EPHX2: variants seen among roughly 807,000 people sequenced by gnomAD.
The protein encoded by EPHX2 is epoxide hydrolase 2.
EPHX2 carries 74 observed loss-of-function variants against 78.7 expected under a neutral mutation model. The ratio of observed to expected loss-of-function variants is 0.94; its 90% CI spans 0.78 to 1.14. The LOEUF is 1.14. EPHX2 is among the 50% of genes most tolerant of loss of function. EPHX2 has a pLI of 0.00. For missense variants in EPHX2, 715 were observed against 702.5 expected (o/e 1.02, Z -0.20); for synonymous variants, 251 against 255.2 (o/e 0.98, Z 0.16).
chr8:27,511,746 C>T, intron 5 of EPHX2, 90 bp from the exon 6 acceptor site: 1 of 1,387,484 alleles, frequency 7.2e-7, no homozygotes. Flanking sequence ...AAGGTGATTT[C>T]CAAGGCCTCC....
At chr8:27,496,374 T>G (rs1813573302) in intron 1 of EPHX2, among the ~76,000 whole-genome samples, 1 of 152,168 alleles carries the variant, frequency 6.6e-6, no homozygotes, top group Non-Finnish European at 1.5e-5. Context: ...CCCTAAACCC[T>G]TGAGGCAAGA....
chr8:27,530,067 C>CTTTT (rs34619047), intron 12 of EPHX2, among the ~76,000 whole-genome samples: 1 of 144,838 alleles, frequency 6.9e-6, no homozygotes, highest in Non-Finnish European at 1.5e-5. Flanking sequence ...GTCTCTCTCT[C>CTTTT]TTTTTTTTTT....
Position 27,515,791 on chromosome 8 carries a change from G to A in EPHX2, c.809G>A (p.Ser270Asn), listed in dbSNP as rs765173092. ...AVCLCHGFPE[S>N]WYSWRYQIPA... ...TGCCTCTGCCATGGATTTCCCGAGA[G>A]TTGGTATTCTTGGAGGTACCAGGTG... Residue 270 changes from serine to asparagine, a missense_variant, in exon 7 of 19, where the codon AGT becomes AAT. Physicochemically the swap from Ser to Asn is conservative, Grantham distance 46. Transcript: ENST00000521400. The A allele has an allele frequency of 1.9e-6, 3 of 1,614,074 alleles. No homozygotes were observed. The East Asian group carries it at 6.7e-5, about 36-fold the overall frequency.
intron 2 of EPHX2, 75 bp from the exon 3 acceptor site, chr8:27,503,529 T>C (rs1253374353): frequency 1.4e-6 from 2 of 1,466,232 alleles, no homozygotes; most frequent in South Asian, 2.6e-5. Context: ...GGAATGTATA[T>C]GTTTAGATTT....
chr8:27,511,963 A>C (rs537267747), intron 6 of EPHX2, 53 bp downstream of exon 6: 11 of 1,565,856 alleles, frequency 7.0e-6, no homozygotes, highest in Non-Finnish European at 7.9e-6. Flanking sequence ...CAGGTCACCT[A>C]AAACGACCAG....
intron 11 of EPHX2, among the ~76,000 whole-genome samples, chr8:27,525,003 A>G (rs966686548): frequency 6.6e-6 from 1 of 151,820 alleles, no homozygotes; most frequent in Non-Finnish European, 1.5e-5. Flanking sequence ...AAATGAATGT[A>G]TATTTTAAAA....
intron 10 of EPHX2, 92 bp from the exon 11 acceptor site, chr8:27,522,331 C>T (rs1471604783): frequency 1.2e-5 from 15 of 1,232,496 alleles, no homozygotes; most frequent in Non-Finnish European, 1.6e-5. Flanking sequence ...GGAGGAGACC[C>T]TGGTGTCGAG....
chr8:27,542,790 C>T (rs1308431746), intron 16 of EPHX2, among the ~76,000 whole-genome samples: 3 of 152,028 alleles, frequency 2.0e-5, no homozygotes, highest in Admixed American at 1.3e-4. Context: ...TACAGGAGTG[C>T]GCCACCACAC....
downstream of EPHX2, among the ~76,000 whole-genome samples, chr8:27,546,080 C>T (rs142563722): frequency 1.8e-3 from 269 of 150,308 alleles, 1 homozygote; most frequent in South Asian, 0.015. Flanking sequence ...AAAATGTTCT[C>T]GTCGCGCCAC....
chr8:27,540,086 G>C (rs1363648022), intron 14 of EPHX2, among the ~76,000 whole-genome samples: 2 of 152,202 alleles, frequency 1.3e-5, no homozygotes, highest in Non-Finnish European at 2.9e-5. Context: ...GTGACAGGAT[G>C]CAGCCACCTG....
chr8:27,503,864 C>A, intron 3 of EPHX2, 101 bp downstream of exon 3: 1 of 1,399,080 alleles, frequency 7.1e-7, no homozygotes, highest in Non-Finnish European at 9.5e-7. Context: ...CACAGATCTT[C>A]TGAGCCACGA....
intron 5 of EPHX2, among the ~76,000 whole-genome samples, chr8:27,507,282 C>T (rs1814048343): frequency 6.6e-6 from 1 of 152,184 alleles, no homozygotes; most frequent in Admixed American, 6.5e-5. Context: ...ATCCTGACCT[C>T]ACTTTTGAGA....
In EPHX2 at chr8:27,525,506, A is replaced by G. The variant is rs759875079; in HGVS notation, c.1170+33A>G. On this transcript the variant is annotated intron_variant, in intron 12 of 18. Coordinates refer to ENST00000521400, the MANE Select transcript of EPHX2 (RefSeq NM_001979.6). Reference sequence around the variant, plus strand: ...TGGCACCAAGGGCAACAATGGGAGCATTAGTGTTTGCCTTTCCCCTTCCTG... The same window carrying G: ...TGGCACCAAGGGCAACAATGGGAGCGTTAGTGTTTGCCTTTCCCCTTCCTG... 3.2e-6 allele frequency: 5 copies of G among 1,552,800 alleles called. No homozygotes were observed. In the Admixed American group the frequency reaches 6.7e-5, roughly 21 times the overall value.
intron 14 of EPHX2, among the ~76,000 whole-genome samples, chr8:27,540,072 G>A (rs917740689): frequency 6.6e-6 from 1 of 152,156 alleles, no homozygotes; most frequent in East Asian, 1.9e-4. Flanking sequence ...GCGGCACGTG[G>A]GAGGTGACAG....
In EPHX2 at chr8:27,516,385, A is replaced by G. The variant is rs956331627; in HGVS notation, c.897A>G (p.Ser299=). ...LAMDMKGYGE[S]SAPPEIEEYC... The stretch of plus-strand genomic sequence containing the variant: ...TGGACATGAAAGGCTATGGAGAGTC[A>G]TCTGCTCCTCCCGGTGGGTGTGCTG... Residue 299 remains serine (S), a synonymous_variant, in exon 8 of 19, where the codon TCA becomes TCG. Coordinates refer to ENST00000521400, the MANE Select transcript of EPHX2 (RefSeq NM_001979.6). The G allele has an allele frequency of 1.2e-6, 2 of 1,613,866 alleles. No homozygotes were observed. The highest frequency in any genetic ancestry group is 1.7e-6 in the Non-Finnish European group (2 of 1,179,872).
In EPHX2 at chr8:27,543,776, G is replaced by T. The variant is rs542880196; in HGVS notation, c.1477G>T (p.Ala493Ser). 1 of 1,614,124 alleles carries T rather than the reference G, an allele frequency of 6.2e-7. No individual in the cohort carries two copies. Among genetic ancestry groups the T allele is most frequent in the Admixed American group, 1.7e-5 (1 of 60,016 alleles). ...CCTGATTCCGGCCCTGATGGTCACGGCGGAGAAGGACTTCGTGCTCGTTCC... is the reference window on the plus strand; with the variant it reads ...CCTGATTCCGGCCCTGATGGTCACGTCGGAGAAGGACTTCGTGCTCGTTCC... ...KILIPALMVT[A>S]EKDFVLVPQM... Residue 493 changes from alanine to serine, a missense_variant, in exon 17 of 19, where the codon GCG (alanine) becomes TCG (serine). Transcript: ENST00000521400.
chr8:27,527,131 G>A (rs1814874289), intron 12 of EPHX2, among the ~76,000 whole-genome samples: 2 of 152,058 alleles, frequency 1.3e-5, no homozygotes, highest in African/African-American at 4.8e-5. Context: ...TTGTTTGTTT[G>A]TATTTTTAGT....
chr8:27,497,234 T>C (rs548720564), intron 1 of EPHX2, among the ~76,000 whole-genome samples: 16 of 152,338 alleles, frequency 1.1e-4, no homozygotes, highest in Admixed American at 7.8e-4. Flanking sequence ...AGTCCTGTTG[T>C]TGGATCATCC....
At position 27,536,802 on chromosome 8, in the gene EPHX2, C is replaced by G. The variant is rs982065805; in HGVS notation, c.1189C>G (p.Leu397Val). The change falls in exon 13 of 19, where the codon CTG becomes GTG. Residue 397 changes from leucine (L) to valine (V), a missense_variant. Transcript: ENST00000521400. Reference protein sequence around the residue: ...FQEPGVAEAELEQNLSRTFKS... With the variant: ...FQEPGVAEAEVEQNLSRTFKS... ...GTTTTAGGGAGTGGCTGAGGCTGAA[C>G]TGGAACAGAACCTGAGTCGGACTTT... 3 of 1,612,984 alleles carry G rather than the reference C, an allele frequency of 1.9e-6. No homozygotes were observed. Among genetic ancestry groups the G allele is most frequent in the Non-Finnish European group, 2.5e-6 (3 of 1,179,762 alleles).
Sources: allele counts gnomAD v4.1 joint callset (sites outside exome capture counted in the v4.1 genomes callset), GRCh38; gene constraint gnomAD v4.1.1; transcripts MANE v1.5; gene names NCBI Gene and HGNC (gene_info 2026-07-23, HGNC 2026-07-21).